Variants in SLC8A3 observed in about 807,000 individuals in gnomAD.
The protein encoded by SLC8A3 is solute carrier family 8 member A3, also known as sodium/calcium exchanger 3.
Under a neutral mutation model 65.4 loss-of-function variants are expected in SLC8A3, and 37 were observed. The observed-to-expected ratio is 0.57, with a 90% CI of 0.44 to 0.74. The LOEUF is 0.74. SLC8A3 is among the 30% of genes least tolerant of loss of function. SLC8A3 has a pLI of 0.00. For synonymous variants in SLC8A3, 461 were observed against 444.5 expected (o/e 1.04, Z -0.47); for missense variants, 1,112 against 1,172.1 (o/e 0.95, Z 0.75).
At chr14:70,182,104 T>C (rs1339845210) in intron 1 of SLC8A3, among the ~76,000 whole-genome samples, 1 of 152,076 alleles carries the variant, frequency 6.6e-6, no homozygotes, top group Admixed American at 6.6e-5. Flanking sequence ...AAGCAATACT[T>C]GGGGAACAAG....
intron 2 of SLC8A3, among the ~76,000 whole-genome samples, chr14:70,088,182 T>C (rs1323180640): frequency 6.6e-6 from 1 of 152,230 alleles, no homozygotes; most frequent in Non-Finnish European, 1.5e-5. Context: ...AGACAGTGGG[T>C]AGGCCCATGT....
intron 1 of SLC8A3, among the ~76,000 whole-genome samples, chr14:70,171,728 A>G (rs1897550770): frequency 6.6e-6 from 1 of 152,214 alleles, no homozygotes. Context: ...TGAACTCAGG[A>G]GGCTGAGGTT....
chr14:70,092,921 A>G (rs1433021863), intron 2 of SLC8A3, among the ~76,000 whole-genome samples: 2 of 152,220 alleles, frequency 1.3e-5, no homozygotes, highest in African/African-American at 4.8e-5. Flanking sequence ...CTAAAATAAT[A>G]TGGACCATCT....
Position 70,167,923 on chromosome 14 carries a change from G to A in SLC8A3, c.500C>T (p.Pro167Leu), listed in dbSNP as rs1417538998. ...GGCTGCACTCCCTACAATGGTAGAA[G>A]GTCCCAGATCACCAGCAATGAACCC... ...GHGFIAGDLGPSTIVGSAAFN... is the reference protein window; with the variant it reads ...GHGFIAGDLGLSTIVGSAAFN... The change falls in exon 2 of 7, where the codon CCT (proline) becomes CTT (leucine). Residue 167 changes from proline to leucine, a missense_variant. Coordinates refer to ENST00000356921, the MANE Select transcript of SLC8A3 (RefSeq NM_182932.3). 1 of 1,614,160 alleles carries A rather than the reference G, an allele frequency of 6.2e-7. No homozygotes were observed. Among genetic ancestry groups the A allele is most frequent in the East Asian group, 2.2e-5 (1 of 44,884 alleles).
chr14:70,077,642 C>T (rs963784649), intron 2 of SLC8A3, among the ~76,000 whole-genome samples: 2 of 152,188 alleles, frequency 1.3e-5, no homozygotes, highest in Non-Finnish European at 2.9e-5. Context: ...GAATTTACTT[C>T]CTTCTAGCCC....
intron 3 of SLC8A3, among the ~76,000 whole-genome samples, chr14:70,054,312 G>A (rs892417924): frequency 3.9e-4 from 59 of 152,126 alleles, no homozygotes; most frequent in African/African-American, 1.4e-3. Context: ...TGTCCACCTA[G>A]GAAAATTAAA....
chr14:70,120,565 T>G (rs1467431807), intron 2 of SLC8A3, among the ~76,000 whole-genome samples: 1 of 152,210 alleles, frequency 6.6e-6, no homozygotes, highest in Admixed American at 6.5e-5. Context: ...AGTACATGCC[T>G]GTAAAATCCC....
intron 1 of SLC8A3, among the ~76,000 whole-genome samples, chr14:70,184,492 A>G (rs1883017758): frequency 6.6e-6 from 1 of 152,076 alleles, no homozygotes; most frequent in Non-Finnish European, 1.5e-5. Flanking sequence ...CCCTTCACTC[A>G]TAACACTTTC....
chr14:70,111,820 T>A (rs1333549055), intron 2 of SLC8A3, among the ~76,000 whole-genome samples: 1 of 152,212 alleles, frequency 6.6e-6, no homozygotes, highest in Non-Finnish European at 1.5e-5. Flanking sequence ...AATGATAATT[T>A]GGGATAAATT....
At chr14:70,164,179 A>G (rs1897040350) in intron 2 of SLC8A3, among the ~76,000 whole-genome samples, 4 of 152,202 alleles carry the variant, frequency 2.6e-5, no homozygotes, top group African/African-American at 7.2e-5. Context: ...CATTTTGCCA[A>G]TGAGGAAATA....
chr14:70,050,899 T>C, intron 5 of SLC8A3, 109 bp downstream of exon 5: 2 of 681,376 alleles, frequency 2.9e-6, no homozygotes, highest in East Asian at 2.7e-5. Flanking sequence ...CTGGGAAGAC[T>C]GAACACACAA....
chr14:70,143,462 C>A (rs569662383), intron 2 of SLC8A3, among the ~76,000 whole-genome samples: 3 of 152,274 alleles, frequency 2.0e-5, no homozygotes, highest in South Asian at 2.1e-4. Flanking sequence ...CCTGGGAGCA[C>A]CCCTGGAGTG....
At position 70,051,071 on chromosome 14, in the gene SLC8A3, C is replaced by G; in HGVS notation, c.2050G>C (p.Ala684Pro). ...CAGGAATGGGTCCCCACAACCAAGG[C>G]CAGGTTTGTCTTCTTGATCAGTTTG... ...VDKLIKKTNL[A>P]LVVGTHSWRD... is the part of the protein sequence containing the mutation. Residue 684 changes from alanine to proline, a missense_variant, in exon 5 of 7, where the codon GCC (alanine) becomes CCC (proline). Transcript: ENST00000356921. 6.2e-7 allele frequency: 1 copy of G among 1,613,700 alleles called. No individual in the cohort carries two copies. Among genetic ancestry groups the G allele is most frequent in the Non-Finnish European group, 8.5e-7 (1 of 1,179,650 alleles).
Position 70,167,562 on chromosome 14 carries a change from C to T in SLC8A3, c.861G>A (p.Met287Ile), listed in dbSNP as rs774204957. 1.9e-5 allele frequency: 31 copies of T among 1,613,976 alleles called. No homozygotes were observed. The highest frequency in any genetic ancestry group is 1.6e-4 in the Middle Eastern group (1 of 6,082). The change falls in exon 2 of 7, where the codon ATG (methionine) becomes ATA (isoleucine). Residue 287 changes from methionine to isoleucine, a missense_variant. Physicochemically the swap from Met to Ile is conservative, Grantham distance 10. Transcript: ENST00000356921. ...AATGGGAATTCATCATTTTCCCATC[C>T]ATCTCAATGCCCTTAGGGTGGTCAC... ...TEGDHPKGIE[M>I]DGKMMNSHFL...
rs1489261096 is a variant in SLC8A3 at position 70,080,186 on chromosome 14, A to G, written c.1785-19247T>C. 5 of 985,204 alleles carry G rather than the reference A, an allele frequency of 5.1e-6. No individual in the cohort carries two copies. The East Asian group carries it at 4.5e-4, about 89-fold the overall frequency. 61.0% of individuals were successfully genotyped at this position (985,204 alleles called of 1,614,324 possible). A position where few individuals can be genotyped will look rare whatever the true frequency, so the allele number is the denominator to read the frequency against. The stretch of plus-strand genomic sequence containing the variant: ...TGTCATTCCCTAGGTTTTCGGCTCC[A>G]TGCTGGAAGAGTTGATACTCAGACT... On this transcript the variant is annotated intron_variant, in intron 2 of 6. Transcript: ENST00000356921.
chr14:70,046,077 G>C lies in SLC8A3; in HGVS notation c.2636C>G (p.Pro879Arg), dbSNP rs1469537497. ...GCCACCAAGCTCCCCTCCCAGGTGC[G>C]GCCGCCTTCGGTACAAGAGCACGCT... ...CISVLLYRRRPHLGGELGGPR... is the reference protein window; with the variant it reads ...CISVLLYRRRRHLGGELGGPR... Residue 879 changes from proline to arginine, a missense_variant, in exon 7 of 7, where the codon CCG becomes CGG. Physicochemically the swap from Pro to Arg is moderately radical, Grantham distance 103. Transcript: ENST00000356921. This position sits in a 1 kb window ranked among gnomAD's most constrained non-coding sequence, Gnocchi z 4.2. The C allele has an allele frequency of 1.2e-6, 2 of 1,613,982 alleles. No individual in the cohort carries two copies. Among genetic ancestry groups the C allele is most frequent in the African/African-American group, 2.7e-5 (2 of 74,928 alleles).
intron 2 of SLC8A3, among the ~76,000 whole-genome samples, chr14:70,087,591 A>G (rs758975784): frequency 2.0e-5 from 3 of 152,214 alleles, no homozygotes; most frequent in Non-Finnish European, 1.5e-5. Flanking sequence ...TCTCCAACAA[A>G]TATTCAAACT....
chr14:70,161,047 A>G (rs964167218), intron 2 of SLC8A3, among the ~76,000 whole-genome samples: 1 of 150,288 alleles, frequency 6.7e-6, no homozygotes, highest in African/African-American at 2.4e-5. Flanking sequence ...GATCGAGACC[A>G]TACTGGCTAA....
chr14:70,118,959 G>C (rs762563358), intron 2 of SLC8A3, among the ~76,000 whole-genome samples: 12 of 152,136 alleles, frequency 7.9e-5, no homozygotes, highest in African/African-American at 1.4e-4. Context: ...AGCTCATACT[G>C]CTCATCTGAA....
Sources: allele counts gnomAD v4.1 joint callset (sites outside exome capture counted in the v4.1 genomes callset), GRCh38; gene constraint gnomAD v4.1.1; non-coding constraint Gnocchi (gnomAD v3.1); transcripts MANE v1.5; gene names NCBI Gene and HGNC (gene_info 2026-07-23, HGNC 2026-07-21).